The following ARRB2 variants were observed in gnomAD, a reference collection of about 807,000 sequenced individuals.
ARRB2 encodes arrestin beta 2, also known as beta-arrestin-2.
In ARRB2, 21 loss-of-function variants were observed where a neutral mutation model predicts 53.4. The ratio of observed to expected loss-of-function variants is 0.39; its 90% CI spans 0.28 to 0.57. The LOEUF is 0.57. Ranked by LOEUF, ARRB2 falls within the 20% of genes least tolerant of loss-of-function variation. ARRB2 has a pLI of 0.55. For synonymous variants in ARRB2, 180 were observed against 212.9 expected, an observed-to-expected ratio of 0.85 and a Z score of 1.34; for missense variants, 369 against 527.5, an observed-to-expected ratio of 0.70 and a Z score of 2.94.
At chr17:4,714,688 TAGGA>T (rs1190981853) in intron 1 of ARRB2, 1 of 1,088 alleles carries the variant, frequency 9.2e-4, no homozygotes, top group African/African-American at 8.6e-3. Flanking sequence ...ACGTTAGAAA[TAGGA>T]AGGACCTTCC....
At chr17:4,715,568 G>GACAAACAC (rs1914904219) in intron 2 of ARRB2, 1 of 211,840 alleles carries the variant, frequency 4.7e-6, no homozygotes, top group African/African-American at 2.6e-5. Flanking sequence ...CACACACACG[G>GACAAACAC]ACACACACAC....
chr17:4,715,662 T>TGTTCAC, intron 2 of ARRB2: 1 of 418,960 alleles, frequency 2.4e-6, no homozygotes, highest in South Asian at 2.4e-5. Context: ...TGCACATACA[T>TGTTCAC]GTTCACACAC....
chr17:4,715,717 ACAC>A lies in ARRB2; in HGVS notation c.55-255_55-253del, dbSNP rs1914952267. The A allele has an allele frequency of 1.3e-4, 59 of 459,866 alleles. 2 individuals are homozygous for A. The highest frequency in any genetic ancestry group is 8.7e-4 in the Admixed American group (23 of 26,552). 28.5% of individuals were successfully genotyped at this position (459,866 alleles called of 1,614,324 possible). On this transcript the variant is annotated intron_variant, in intron 2 of 14. Coordinates refer to ENST00000269260, the MANE Select transcript of ARRB2 (RefSeq NM_004313.4). ...AGGACACACACACACACACACACAC[ACAC>A]ACACAAACACACACACACCGGGCTG...
At position 4,716,588 on chromosome 17, in the gene ARRB2, G is replaced by A. The variant is rs1246445454; in HGVS notation, c.337G>A (p.Ala113Thr). The change falls in exon 5 of 15, where the codon GCC becomes ACC. Residue 113 changes from alanine to threonine, a missense_variant. Coordinates refer to ENST00000269260, the MANE Select transcript of ARRB2 (RefSeq NM_004313.4). ...DRLLRKLGQH[A>T]HPFFFTIPQN... Reference sequence around the variant, plus strand: ...GCTGCTGAGGAAGCTGGGCCAGCATGCCCACCCCTTCTTCTTCACCGTGAG... The same window carrying A: ...GCTGCTGAGGAAGCTGGGCCAGCATACCCACCCCTTCTTCTTCACCGTGAG... 1.3e-6 allele frequency: 2 copies of A among 1,560,770 alleles called. No individual in the cohort carries two copies. The highest frequency in any genetic ancestry group is 3.7e-5 in the Admixed American group (2 of 54,240).
intron 11 of ARRB2, 51 bp downstream of exon 11, chr17:4,719,471 G>T: frequency 6.3e-7 from 1 of 1,599,948 alleles, no homozygotes; most frequent in Non-Finnish European, 8.5e-7. Context: ...CCAGACGTCG[G>T]TTCAGTGCTC....
In ARRB2 at chr17:4,717,620, G is replaced by A. The variant is rs531914581; in HGVS notation, c.418-65G>A. The A allele has an allele frequency of 1.5e-5, 24 of 1,601,376 alleles. No homozygotes were observed. In the South Asian group the frequency reaches 2.5e-4, roughly 17 times the overall value. ...CTGCCCGAGAGGAGGGAAGGGGGAG[G>A]AAGAAAGGGCAGTGATGGTGGCGGG... is the stretch of plus-strand genomic sequence containing the variant. On this transcript the variant is annotated intron_variant, in intron 6 of 14. Coordinates refer to ENST00000269260, the MANE Select transcript of ARRB2 (RefSeq NM_004313.4). The surrounding 1 kb of genome is among the most constrained non-coding windows in gnomAD (Gnocchi z 6.0).
Position 4,718,305 on chromosome 17 carries a change from C to T in ARRB2, c.666C>T (p.Thr222=). 1 of 1,612,518 alleles carries T rather than the reference C, an allele frequency of 6.2e-7. No individual in the cohort carries two copies. The highest frequency in any genetic ancestry group is 8.5e-7 in the Non-Finnish European group (1 of 1,179,332). The part of the protein sequence containing the change: ...GEPLNVNVHV[T]NNSTKTVKKI... Reference sequence around the variant, plus strand: ...CCCTCAATGTAAATGTCCACGTCACCAACAACTCCACCAAGACCGTCAAGA... The same window carrying T: ...CCCTCAATGTAAATGTCCACGTCACTAACAACTCCACCAAGACCGTCAAGA... Residue 222 remains threonine, a synonymous_variant, in exon 9 of 15, where the codon ACC becomes ACT. Transcript: ENST00000269260.
intron 11 of ARRB2, among the ~76,000 whole-genome samples, chr17:4,719,939 A>T (rs1915520814): frequency 6.6e-6 from 1 of 152,202 alleles, no homozygotes; most frequent in South Asian, 2.1e-4. Flanking sequence ...ACTAAGTACC[A>T]GGAGAGGAGG....
chr17:4,715,336 G>T, intron 2 of ARRB2: 1 of 445,918 alleles, frequency 2.2e-6, no homozygotes, highest in East Asian at 3.7e-5. Context: ...GCCAACCCAA[G>T]GTGCGTGGGG....
Position 4,720,462 on chromosome 17 carries a change from A to T in ARRB2, c.1071A>T (p.Arg357Ser). 1 of 1,611,052 alleles carries T rather than the reference A, an allele frequency of 6.2e-7. No individual in the cohort carries two copies. The highest frequency in any genetic ancestry group is 8.5e-7 in the Non-Finnish European group (1 of 1,178,742). The part of the protein sequence containing the change: ...PKPHDHIPLP[R>S]PQSAAPETDV... Reference sequence around the variant, plus strand: ...CCCACGACCACATCCCCCTCCCCAGACCCCAGTCAGGTGAGCACACTACCC... The same window carrying T: ...CCCACGACCACATCCCCCTCCCCAGTCCCCAGTCAGGTGAGCACACTACCC... Residue 357 changes from arginine (R) to serine (S), a missense_variant, in exon 13 of 15, where the codon AGA (arginine) becomes AGT (serine). Physicochemically the swap from Arg to Ser is moderately radical, Grantham distance 110. Coordinates refer to ENST00000269260, the MANE Select transcript of ARRB2 (RefSeq NM_004313.4).
intron 5 of ARRB2, 118 bp downstream of exon 5, chr17:4,716,726 T>C (rs922996240): frequency 4.3e-5 from 62 of 1,451,160 alleles, no homozygotes; most frequent in Non-Finnish European, 5.3e-5. Context: ...GGACCCTAGA[T>C]CCACTTCCCT....
chr17:4,718,369 G>A, intron 9 of ARRB2, 24 bp downstream of exon 9: 1 of 1,596,646 alleles, frequency 6.3e-7, no homozygotes, highest in East Asian at 2.2e-5. Flanking sequence ...TTTGGAAGGG[G>A]GTCTTCGGGG....
rs1597480698 is a variant in ARRB2, at chr17:4,716,549, C to T, written c.298C>T (p.Arg100Cys). ...PVPNPPRPPT[R>C]LQDRLLRKLG... ...GCCCAACCCACCCCGGCCCCCCACC[C>T]GCCTGCAGGACCGGCTGCTGAGGAA... Residue 100 changes from arginine to cysteine, a missense_variant, in exon 5 of 15, where the codon CGC (arginine) becomes TGC (cysteine). Arg to Cys is a radical substitution (Grantham distance 180). Transcript: ENST00000269260. The T allele has an allele frequency of 3.1e-6, 5 of 1,594,600 alleles. No individual in the cohort carries two copies. The highest frequency in any genetic ancestry group is 1.7e-5 in the Admixed American group (1 of 58,192).
chr17:4,719,023 C>T (rs1915396622), intron 10 of ARRB2, among the ~76,000 whole-genome samples: 1 of 152,218 alleles, frequency 6.6e-6, no homozygotes, highest in Non-Finnish European at 1.5e-5. Context: ...ACCCACCCGT[C>T]GCGGCCTCTC....
At chr17:4,712,568 C>A (rs993757580) in intron 1 of ARRB2, among the ~76,000 whole-genome samples, 2 of 152,230 alleles carry the variant, frequency 1.3e-5, no homozygotes, top group Non-Finnish European at 2.9e-5. Flanking sequence ...CAGGATTTCA[C>A]GTTTCTGCTA....
At chr17:4,711,299 G>A (rs1439941298) in intron 1 of ARRB2, among the ~76,000 whole-genome samples, 5 of 151,968 alleles carry the variant, frequency 3.3e-5, no homozygotes, top group Admixed American at 6.6e-5. Flanking sequence ...CCTGAAACTA[G>A]ATCGTATCCC....
chr17:4,714,919 C>A, intron 1 of ARRB2, 94 bp from the exon 2 acceptor site: 2 of 1,337,736 alleles, frequency 1.5e-6, no homozygotes, highest in Non-Finnish European at 2.1e-6. Context: ...CCTGGGTGAG[C>A]ACTGCTTCTC....
In ARRB2 at chr17:4,716,590, C is replaced by A; in HGVS notation, c.339C>A (p.Ala113=). 6.3e-7 allele frequency: 1 copy of A among 1,575,958 alleles called. No individual in the cohort carries two copies. Among genetic ancestry groups the A allele is most frequent in the African/African-American group, 1.3e-5 (1 of 74,108 alleles). ...TGCTGAGGAAGCTGGGCCAGCATGC[C>A]CACCCCTTCTTCTTCACCGTGAGGA... ...DRLLRKLGQH[A]HPFFFTIPQN... Residue 113 remains alanine, a synonymous_variant, in exon 5 of 15, where the codon GCC becomes GCA. Transcript: ENST00000269260.
Position 4,713,872 on chromosome 17 carries a change from G to A in ARRB2, c.24-1141G>A, listed in dbSNP as rs1358838414. 2.6e-5 allele frequency among the ~76,000 whole-genome samples: 4 copies of A among 151,460 alleles called. No homozygotes were observed. In the East Asian group the frequency reaches 7.7e-4, roughly 29 times the overall value. On this transcript the variant is annotated intron_variant, in intron 1 of 14. Transcript: ENST00000269260. ...CCAGCTACTCAGGAGGCTGAAGCAGGAGAATCACTTAAACCTGGGAGGCGG... is the reference window on the plus strand; with the variant it reads ...CCAGCTACTCAGGAGGCTGAAGCAGAAGAATCACTTAAACCTGGGAGGCGG...
Sources: allele counts gnomAD v4.1 joint callset (sites outside exome capture counted in the v4.1 genomes callset), GRCh38; gene constraint gnomAD v4.1.1; non-coding constraint Gnocchi (gnomAD v3.1); transcripts MANE v1.5; gene names NCBI Gene and HGNC (gene_info 2026-07-23, HGNC 2026-07-21).